The following ZNF407 variants were observed in gnomAD, a reference collection of about 807,000 sequenced individuals.
ZNF407 encodes the protein zinc finger protein 407.
A neutral mutation model predicts 131.2 loss-of-function variants in ZNF407; 17 were observed. The ratio of observed to expected loss-of-function variants is 0.13; its 90% CI spans 0.09 to 0.19. The LOEUF (loss-of-function observed/expected upper bound fraction) is 0.19. ZNF407 is among the 10% of genes least tolerant of loss of function. ZNF407 has a pLI of 1.00. For missense variants in ZNF407, 2,681 were observed against 2,830.6 expected, an observed-to-expected ratio of 0.95 and a Z score of 1.20; for synonymous variants, 1,156 against 1,062.0, an observed-to-expected ratio of 1.09 and a Z score of -1.72.
At chr18:74,801,942 C>T (rs1361948725) in intron 4 of ZNF407, among the ~76,000 whole-genome samples, 4 of 152,048 alleles carry the variant, frequency 2.6e-5, no homozygotes, top group African/African-American at 4.8e-5. Context: ...AGTGCTCTTC[C>T]TTAAAAAATA....
chr18:74,720,967 A>T, intron 3 of ZNF407, among the ~76,000 whole-genome samples: 2 of 142,844 alleles, frequency 1.4e-5, no homozygotes, highest in Non-Finnish European at 1.5e-5. Flanking sequence ...GATTGCTTTG[A>T]CTATTCAGGG....
intron 1 of ZNF407, among the ~76,000 whole-genome samples, chr18:74,602,719 C>T (rs1225220836): frequency 2.6e-5 from 4 of 152,154 alleles, no homozygotes; most frequent in Admixed American, 6.5e-5. Flanking sequence ...GTCTGACTTC[C>T]GAACCCCTAT....
In ZNF407 at chr18:74,867,695, A is replaced by T. The variant is rs1971032823; in HGVS notation, c.4878-9502A>T. Among the ~76,000 whole-genome samples, 4 of 152,224 alleles carry T rather than the reference A, an allele frequency of 2.6e-5. No individual in the cohort carries two copies. In the South Asian group the frequency reaches 8.3e-4, roughly 32 times the overall value. ...GGGATAGTTGATTCTATGCAGATAT[A>T]CCGTGTTTTTCCATAATGTATGTTT... On this transcript the variant is annotated intron_variant, in intron 4 of 8. Transcript: ENST00000299687.
intron 1 of ZNF407, among the ~76,000 whole-genome samples, chr18:74,626,141 T>C (rs2050182496): frequency 6.6e-6 from 1 of 152,186 alleles, no homozygotes; most frequent in South Asian, 2.1e-4. Context: ...TTCAGTGCCA[T>C]CACTAGGCAT....
intron 8 of ZNF407, among the ~76,000 whole-genome samples, chr18:74,974,877 C>G (rs1281786016): frequency 6.6e-6 from 1 of 152,206 alleles, no homozygotes; most frequent in African/African-American, 2.4e-5. Flanking sequence ...TTCCGCTCAT[C>G]TCCTTCTTTG....
At chr18:74,840,950 A>G (rs918430003) in intron 4 of ZNF407, among the ~76,000 whole-genome samples, 2 of 152,176 alleles carry the variant, frequency 1.3e-5, no homozygotes, top group African/African-American at 2.4e-5. Context: ...GTGAGAACAC[A>G]TGACTCATTT....
intron 3 of ZNF407, among the ~76,000 whole-genome samples, chr18:74,680,220 G>C (rs1966949575): frequency 6.6e-6 from 1 of 151,780 alleles, no homozygotes. Context: ...GGGAAACCTC[G>C]TGTCTACAAA....
intron 8 of ZNF407, among the ~76,000 whole-genome samples, chr18:74,949,795 T>C (rs1237015969): frequency 1.3e-5 from 2 of 152,108 alleles, no homozygotes; most frequent in Non-Finnish European, 2.9e-5. Context: ...TGCCACAGTC[T>C]CCAGACCTCT....
chr18:74,972,122 A>C (rs778728144), intron 8 of ZNF407, among the ~76,000 whole-genome samples: 1 of 152,210 alleles, frequency 6.6e-6, no homozygotes, highest in Non-Finnish European at 1.5e-5. Flanking sequence ...ACATGTGGGA[A>C]TTCTGGGAGA....
intron 3 of ZNF407, among the ~76,000 whole-genome samples, chr18:74,680,970 C>T (rs1440185251): frequency 6.6e-6 from 1 of 152,088 alleles, no homozygotes; most frequent in Admixed American, 6.5e-5. Flanking sequence ...TATTGACAGT[C>T]AGTAGAGCAT....
chr18:74,720,722 A>G (rs1489682676), intron 3 of ZNF407, among the ~76,000 whole-genome samples: 1 of 152,122 alleles, frequency 6.6e-6, no homozygotes, highest in African/African-American at 2.4e-5. Context: ...GCAAATGAAT[A>G]TCAGATATGC....
chr18:74,927,417 T>C (rs990648099), intron 8 of ZNF407, among the ~76,000 whole-genome samples: 8 of 152,228 alleles, frequency 5.3e-5, no homozygotes, highest in African/African-American at 1.9e-4. Context: ...AGTAGAATGA[T>C]ATAGTATAAT....
At chr18:74,912,862 A>T (rs1971693537) in intron 7 of ZNF407, among the ~76,000 whole-genome samples, 1 of 152,240 alleles carries the variant, frequency 6.6e-6, no homozygotes, top group South Asian at 2.1e-4. Flanking sequence ...AGAATGACCA[A>T]CAATCATTTA....
chr18:74,623,194 C>T (rs1272045646), intron 1 of ZNF407, among the ~76,000 whole-genome samples: 1 of 149,470 alleles, frequency 6.7e-6, no homozygotes, highest in Non-Finnish European at 1.5e-5. Context: ...CCGTGTGTGT[C>T]TGTATGTCTG....
intron 3 of ZNF407, among the ~76,000 whole-genome samples, chr18:74,728,957 C>A (rs144394415): frequency 1.3e-5 from 2 of 152,272 alleles, no homozygotes; most frequent in African/African-American, 4.8e-5. Flanking sequence ...CACTTTTAGT[C>A]ACTGTTATGT....
chr18:74,801,507 T>C (rs1042295387), intron 4 of ZNF407, among the ~76,000 whole-genome samples: 1 of 152,226 alleles, frequency 6.6e-6, no homozygotes, highest in Non-Finnish European at 1.5e-5. Flanking sequence ...TAAGTTTTAA[T>C]TTTTTATTTT....
rs536161185 is a variant in ZNF407, at chr18:75,040,388, T to C, written c.5429-22762T>C. Among the ~76,000 whole-genome samples the C allele has an allele frequency of 6.6e-5, 10 of 152,312 alleles. No individual in the cohort carries two copies. The East Asian group carries it at 1.9e-3, about 29-fold the overall frequency. On this transcript the variant is annotated intron_variant, in intron 8 of 8. Coordinates refer to ENST00000299687, the MANE Select transcript of ZNF407 (RefSeq NM_017757.3). The stretch of plus-strand genomic sequence containing the variant: ...ACGGGTTGATTCCCCATGTTTAATA[T>C]ACTAAAAAAAGATACTGGGTATTGA...
At chr18:75,015,723 A>G (rs1448793964) in intron 8 of ZNF407, among the ~76,000 whole-genome samples, 2 of 151,754 alleles carry the variant, frequency 1.3e-5, no homozygotes, top group African/African-American at 2.4e-5. Flanking sequence ...TTCCTAATTT[A>G]CTGCTATAGT....
rs184859108 is a variant in ZNF407, at chr18:74,675,331, A to C, written c.4802+34209A>C. ...TATATTTATTTCCTTCTTTATTGTCAGTCTCTCCCACTTGAGTGTAAGTTC... is the reference window on the plus strand; with the variant it reads ...TATATTTATTTCCTTCTTTATTGTCCGTCTCTCCCACTTGAGTGTAAGTTC... On this transcript the variant is annotated intron_variant, in intron 3 of 8. Coordinates refer to ENST00000299687, the MANE Select transcript of ZNF407 (RefSeq NM_017757.3). 7.7e-4 allele frequency among the ~76,000 whole-genome samples: 117 copies of C among 152,308 alleles called. 1 individual carries two copies. In the East Asian group the frequency reaches 0.02, roughly 27 times the overall value.
Sources: gnomAD v4.1 joint callset for allele counts (sites outside exome capture counted in the v4.1 genomes callset) on GRCh38, gnomAD v4.1.1 for gene constraint, MANE v1.5 for transcripts, NCBI Gene and HGNC (gene_info 2026-07-23, HGNC 2026-07-21) for gene names.